CACNG2: variants seen among roughly 807,000 people sequenced by gnomAD.
The protein encoded by CACNG2 is voltage-dependent calcium channel gamma-2 subunit.
A neutral mutation model predicts 25.9 loss-of-function variants in CACNG2; 3 were observed. The observed-to-expected ratio is 0.12, with a 90% CI of 0.05 to 0.30. The LOEUF (loss-of-function observed/expected upper bound fraction) is 0.30, where lower values mean the gene tolerates loss of function less well. Among genes scored for constraint, CACNG2 ranks in the 10% least tolerant of loss-of-function variants. The pLI is 1.00. For synonymous variants in CACNG2, 167 were observed against 173.3 expected (o/e 0.96, Z 0.29); for missense variants, 341 against 432.5 (o/e 0.79, Z 1.88).
intron 1 of CACNG2, among the ~76,000 whole-genome samples, chr22:36,696,147 A>C (rs1937336945): frequency 6.6e-6 from 1 of 152,226 alleles, no homozygotes; most frequent in South Asian, 2.1e-4. Flanking sequence ...GATCTGTGAC[A>C]GACACTTTAG....
intron 1 of CACNG2, among the ~76,000 whole-genome samples, chr22:36,690,900 T>G (rs1350845651): frequency 6.6e-6 from 1 of 152,242 alleles, no homozygotes; most frequent in African/African-American, 2.4e-5. Context: ...TTGAGCAATC[T>G]CACCGTATAA....
In CACNG2 at chr22:36,620,471, A is replaced by T. The variant is rs193041768; in HGVS notation, c.212-32923T>A. Among the ~76,000 whole-genome samples, 112 of 152,374 alleles carry T rather than the reference A, an allele frequency of 7.4e-4. 1 individual carries two copies. The highest frequency in any genetic ancestry group is 3.4e-3 in the Middle Eastern group (1 of 294). On this transcript the variant is annotated intron_variant, in intron 1 of 3. Coordinates refer to ENST00000300105, the MANE Select transcript of CACNG2 (RefSeq NM_006078.5). ...ATTTTTTCCTTTCCTTCAAATAAAC[A>T]ATCACCACGTAGAAAATCTGTTCTG... is the stretch of plus-strand genomic sequence containing the variant.
chr22:36,602,628 C>T (rs1169265417), intron 1 of CACNG2, among the ~76,000 whole-genome samples: 3 of 152,138 alleles, frequency 2.0e-5, no homozygotes, highest in Non-Finnish European at 4.4e-5. Context: ...TCAGGTGATC[C>T]GCCTGCCTCA....
chr22:36,638,240 C>T (rs1800678348), intron 1 of CACNG2, among the ~76,000 whole-genome samples: 1 of 152,196 alleles, frequency 6.6e-6, no homozygotes, highest in Non-Finnish European at 1.5e-5. Flanking sequence ...CTGTTTCTTG[C>T]TTCCTTCTCT....
intron 1 of CACNG2, among the ~76,000 whole-genome samples, chr22:36,652,279 A>C (rs185780516): frequency 4.1e-4 from 62 of 152,122 alleles, no homozygotes; most frequent in Admixed American, 3.9e-3. Flanking sequence ...GTCTCCAGGC[A>C]TGCCCATGTG....
intron 1 of CACNG2, among the ~76,000 whole-genome samples, chr22:36,610,753 C>T (rs1341642700): frequency 6.6e-6 from 1 of 152,184 alleles, no homozygotes; most frequent in South Asian, 2.1e-4. Context: ...GCAGCTGATC[C>T]AGACAGCTCA....
At chr22:36,693,904 G>A (rs976910213) in intron 1 of CACNG2, among the ~76,000 whole-genome samples, 2 of 152,164 alleles carry the variant, frequency 1.3e-5, no homozygotes, top group Non-Finnish European at 2.9e-5. Context: ...GTTCACTGGG[G>A]TATCTCCTCT....
intron 1 of CACNG2, among the ~76,000 whole-genome samples, chr22:36,658,427 C>T (rs556283736): frequency 2.0e-4 from 30 of 152,310 alleles, no homozygotes; most frequent in African/African-American, 5.5e-4. Context: ...GAGAGAAGCA[C>T]GCACTGCATG....
chr22:36,689,260 T>C (rs1384423678), intron 1 of CACNG2, among the ~76,000 whole-genome samples: 1 of 152,150 alleles, frequency 6.6e-6, no homozygotes, highest in Non-Finnish European at 1.5e-5. Flanking sequence ...ACCTACTGTG[T>C]GCCAGGCACT....
At chr22:36,627,279 CGTGTGT>C (rs58015913) in intron 1 of CACNG2, among the ~76,000 whole-genome samples, 2,915 of 131,206 alleles carry the variant, frequency 0.022, 27 homozygotes, top group African/African-American at 0.03. Context: ...AGAGTGGGGA[CGTGTGT>C]GTGTGTGTGT....
At chr22:36,596,351 C>T (rs1935678358) in intron 1 of CACNG2, among the ~76,000 whole-genome samples, 1 of 152,254 alleles carries the variant, frequency 6.6e-6, no homozygotes, top group Non-Finnish European at 1.5e-5. Flanking sequence ...CCCCAGCCCC[C>T]TGGGGCACAG....
At chr22:36,661,691 T>C (rs918376070) in intron 1 of CACNG2, among the ~76,000 whole-genome samples, 4 of 152,150 alleles carry the variant, frequency 2.6e-5, no homozygotes, top group Admixed American at 2.6e-4. Flanking sequence ...AGACTGACAG[T>C]CCCCTAGCTG....
rs5756273 is a variant in CACNG2 at position 36,629,543 on chromosome 22, T to A, written c.212-41995A>T. Reference sequence around the variant, plus strand: ...GTGTGTTCGTGTGTATGTGTGTGTGTGAGAGAGAGAGAGAGAGCAGAGGGA... The same window carrying A: ...GTGTGTTCGTGTGTATGTGTGTGTGAGAGAGAGAGAGAGAGAGCAGAGGGA... On this transcript the variant is annotated intron_variant, in intron 1 of 3. Coordinates refer to ENST00000300105, the MANE Select transcript of CACNG2 (RefSeq NM_006078.5). Among the ~76,000 whole-genome samples the A allele has an allele frequency of 7.3e-4, 110 of 151,424 alleles. No homozygotes were observed. In the East Asian group the frequency reaches 0.017, roughly 23 times the overall value.
At chr22:36,684,456 A>G (rs980396185) in intron 1 of CACNG2, among the ~76,000 whole-genome samples, 1 of 151,860 alleles carries the variant, frequency 6.6e-6, no homozygotes, top group Non-Finnish European at 1.5e-5. Flanking sequence ...TCTCTACAAA[A>G]ATTCAAAAAA....
At chr22:36,581,634 G>T (rs938117758) in intron 2 of CACNG2, among the ~76,000 whole-genome samples, 1 of 152,174 alleles carries the variant, frequency 6.6e-6, no homozygotes, top group African/African-American at 2.4e-5. Context: ...CTCCTGCTCA[G>T]CCCCCTTTCC....
intron 1 of CACNG2, among the ~76,000 whole-genome samples, chr22:36,600,295 A>C (rs1355498191): frequency 6.6e-6 from 1 of 152,108 alleles, no homozygotes; most frequent in African/African-American, 2.4e-5. Context: ...TGTCACCCAG[A>C]TTGGAGTGCA....
intron 1 of CACNG2, among the ~76,000 whole-genome samples, chr22:36,686,603 G>A (rs1392773808): frequency 6.6e-6 from 1 of 152,188 alleles, no homozygotes; most frequent in Non-Finnish European, 1.5e-5. Context: ...GAATATTGTG[G>A]TGGTGGAATG....
chr22:36,636,419 C>A (rs917585658), intron 1 of CACNG2, among the ~76,000 whole-genome samples: 1 of 152,164 alleles, frequency 6.6e-6, no homozygotes, highest in Non-Finnish European at 1.5e-5. Flanking sequence ...TCCCCCGGGA[C>A]CAGCTTCTGT....
At chr22:36,570,819 T>C (rs1006179412) in intron 2 of CACNG2, among the ~76,000 whole-genome samples, 1 of 150,576 alleles carries the variant, frequency 6.6e-6, no homozygotes, top group Non-Finnish European at 1.5e-5. Flanking sequence ...GCACCATGCT[T>C]AGGCCACTAG....
Sources: allele counts gnomAD v4.1 joint callset (sites outside exome capture counted in the v4.1 genomes callset), GRCh38; gene constraint gnomAD v4.1.1; transcripts MANE v1.5; gene names NCBI Gene and HGNC (gene_info 2026-07-23, HGNC 2026-07-21).